The following BCAS3 variants were observed in gnomAD, a reference collection of about 807,000 sequenced individuals.
The protein encoded by BCAS3 is BCAS4/BCAS3 fusion.
A neutral mutation model predicts 116.1 loss-of-function variants in BCAS3; 53 were observed. The observed-to-expected ratio is 0.46, with a 90% CI of 0.37 to 0.57. BCAS3 has a LOEUF of 0.57. Ranked by LOEUF, BCAS3 falls within the 20% of genes least tolerant of loss-of-function variation. The pLI is 0.00. For missense variants in BCAS3, 917 were observed against 1,165.4 expected (o/e 0.79, Z 3.10); for synonymous variants, 391 against 408.2 (o/e 0.96, Z 0.51).
At chr17:60,752,895 G>T (rs2144295271) in intron 6 of BCAS3, among the ~76,000 whole-genome samples, 1 of 152,140 alleles carries the variant, frequency 6.6e-6, no homozygotes, top group South Asian at 2.1e-4. Flanking sequence ...CCCAGGCTGG[G>T]ATGCAGTGGT....
chr17:60,929,681 T>C, intron 13 of BCAS3, among the ~76,000 whole-genome samples: 1 of 149,788 alleles, frequency 6.7e-6, no homozygotes, highest in African/African-American at 2.5e-5. Flanking sequence ...AACTCGTCAT[T>C]TAGCATTAGG....
At chr17:61,133,935 T>A (rs921601017) in intron 22 of BCAS3, among the ~76,000 whole-genome samples, 2 of 148,874 alleles carry the variant, frequency 1.3e-5, no homozygotes, top group Non-Finnish European at 3.0e-5. Context: ...TTTAACAAAG[T>A]ATTTTGCAAA....
intron 23 of BCAS3, among the ~76,000 whole-genome samples, chr17:61,375,246 G>GTGTGTGTGCGCGCGCGCGCGCACA (rs1555861732): frequency 1.1e-4 from 16 of 150,666 alleles, no homozygotes; most frequent in African/African-American, 3.5e-4. Flanking sequence ...GTGTGTGTGT[G>GTGTGTGTGCGCGCGCGCGCGCACA]TGTGTGTGTA....
At chr17:61,358,997 T>C (rs1442848049) in intron 22 of BCAS3, among the ~76,000 whole-genome samples, 2 of 152,112 alleles carry the variant, frequency 1.3e-5, no homozygotes, top group African/African-American at 2.4e-5. Context: ...CTTCTCCTAC[T>C]CTCCTGTGCC....
At chr17:60,825,833 C>T (rs2050366342) in intron 7 of BCAS3, among the ~76,000 whole-genome samples, 1 of 149,598 alleles carries the variant, frequency 6.7e-6, no homozygotes, top group South Asian at 2.1e-4. Context: ...GGCCCCACTT[C>T]TTAATACTAT....
At chr17:60,747,494 G>A (rs2042106911) in intron 6 of BCAS3, among the ~76,000 whole-genome samples, 1 of 152,158 alleles carries the variant, frequency 6.6e-6, no homozygotes, top group African/African-American at 2.4e-5. Flanking sequence ...TTCTGCTGTG[G>A]TTTTGATTTA....
Position 61,065,895 on chromosome 17 carries a change from A to T in BCAS3, c.2030-9025A>T, listed in dbSNP as rs1057127056. 6.6e-6 allele frequency among the ~76,000 whole-genome samples: 1 copy of T among 152,202 alleles called. No individual in the cohort carries two copies. The highest frequency in any genetic ancestry group is 1.5e-5 in the Non-Finnish European group (1 of 68,026). On this transcript the variant is annotated intron_variant, in intron 19 of 23. Transcript: ENST00000407086. This position sits in a 1 kb window ranked among gnomAD's most constrained non-coding sequence, Gnocchi z 4.8. The stretch of plus-strand genomic sequence containing the variant: ...AATTTATAATTAAACTTACAAATGC[A>T]TTTAATCTTCATTTATAGATCAGTG...
At chr17:60,977,118 C>G (rs1206659858) in intron 14 of BCAS3, among the ~76,000 whole-genome samples, 1 of 152,044 alleles carries the variant, frequency 6.6e-6, no homozygotes, top group Non-Finnish European at 1.5e-5. Flanking sequence ...CTGCCCCCCA[C>G]CTCCCGGACA....
intron 7 of BCAS3, chr17:60,810,719 T>C (rs2061797281): frequency 3.0e-6 from 2 of 663,424 alleles, no homozygotes; most frequent in African/African-American, 3.6e-5. Context: ...ATCCATGGGC[T>C]CTGCAAGGTC....
At position 61,380,470 on chromosome 17, in the gene BCAS3, G is replaced by A. The variant is rs761445734; in HGVS notation, c.2594-11507G>A. The A allele has an allele frequency of 6.4e-7, 1 of 1,573,294 alleles. No individual in the cohort carries two copies. The highest frequency in any genetic ancestry group is 8.6e-7 in the Non-Finnish European group (1 of 1,158,708). Reference sequence around the variant, plus strand: ...CTGCTCTCTTAAAGGTCCAGTTTGTGATCCGCTTTAAAGGAATATTTTATT... The same window carrying A: ...CTGCTCTCTTAAAGGTCCAGTTTGTAATCCGCTTTAAAGGAATATTTTATT... On this transcript the variant is annotated intron_variant, in intron 23 of 23. Coordinates refer to ENST00000407086, the MANE Select transcript of BCAS3 (RefSeq NM_017679.5). The surrounding 1 kb of genome is among the most constrained non-coding windows in gnomAD (Gnocchi z 4.2).
At chr17:61,146,917 TA>T (rs998270970) in intron 22 of BCAS3, among the ~76,000 whole-genome samples, 3 of 152,164 alleles carry the variant, frequency 2.0e-5, no homozygotes, top group Admixed American at 6.5e-5. Context: ...TTTTTTAATT[TA>T]AAAAAAATTT....
rs964134502 is a variant in BCAS3 at position 61,012,204 on chromosome 17, A to G, written c.1487-3547A>G. Among the ~76,000 whole-genome samples, 1 of 152,018 alleles carries G rather than the reference A, an allele frequency of 6.6e-6. No homozygotes were observed. Among genetic ancestry groups the G allele is most frequent in the Non-Finnish European group, 1.5e-5 (1 of 67,962 alleles). ...GTAACATTACATTATGAACTCTTTG[A>G]AAGTCCCTTGGACTTACTCCTTCAG... On this transcript the variant is annotated intron_variant, in intron 15 of 23. Coordinates refer to ENST00000407086, the MANE Select transcript of BCAS3 (RefSeq NM_017679.5). This position sits in a 1 kb window ranked among gnomAD's most constrained non-coding sequence, Gnocchi z 4.5.
intron 7 of BCAS3, among the ~76,000 whole-genome samples, chr17:60,814,063 A>G (rs909150928): frequency 2.0e-5 from 3 of 152,182 alleles, no homozygotes; most frequent in African/African-American, 7.2e-5. Flanking sequence ...AATTTTGAGA[A>G]AAGTGACATT....
At chr17:61,232,219 A>AG (rs1423289781) in intron 22 of BCAS3, among the ~76,000 whole-genome samples, 1 of 151,440 alleles carries the variant, frequency 6.6e-6, no homozygotes, top group Non-Finnish European at 1.5e-5. Flanking sequence ...AAAAAAAAAA[A>AG]AAGAAAGAGA....
Position 61,215,088 on chromosome 17 carries a change from T to C in BCAS3, c.2425+130524T>C, listed in dbSNP as rs1412556968. ...GATTAATTTCACATATTATCTATTA[T>C]TATAGTTTTTCCTAATCTACCCCTT... On this transcript the variant is annotated intron_variant, in intron 22 of 23. Coordinates refer to ENST00000407086, the MANE Select transcript of BCAS3 (RefSeq NM_017679.5). The surrounding 1 kb of genome is among the most constrained non-coding windows in gnomAD (Gnocchi z 4.8). Among the ~76,000 whole-genome samples, 1 of 152,232 alleles carries C rather than the reference T, an allele frequency of 6.6e-6. No homozygotes were observed. The highest frequency in any genetic ancestry group is 1.5e-5 in the Non-Finnish European group (1 of 68,042).
intron 2 of BCAS3, among the ~76,000 whole-genome samples, chr17:60,680,736 C>T (rs2032958923): frequency 6.6e-6 from 1 of 151,862 alleles, no homozygotes; most frequent in South Asian, 2.1e-4. Flanking sequence ...CCTCCTCTGT[C>T]TCCCAGATTC....
At chr17:61,373,861 G>A (rs375821761) in intron 23 of BCAS3, among the ~76,000 whole-genome samples, 1 of 129,482 alleles carries the variant, frequency 7.7e-6, no homozygotes, top group Non-Finnish European at 1.6e-5. Flanking sequence ...ACAGTGGTGC[G>A]ATCTCGGCTC....
rs1041085278 is a variant in BCAS3, at chr17:60,752,978, A to G, written c.403+5699A>G. ...TCCCACCACAGCCTCCTGAATACCT[A>G]GGACTACAGGCACACGTCAGCATGC... On this transcript the variant is annotated intron_variant, in intron 6 of 23. Transcript: ENST00000407086. Among the ~76,000 whole-genome samples the G allele has an allele frequency of 3.9e-5, 6 of 152,030 alleles. No individual in the cohort carries two copies. In the East Asian group the frequency reaches 5.8e-4, roughly 15 times the overall value.
chr17:61,242,276 C>CAAA (rs372656421), intron 22 of BCAS3, among the ~76,000 whole-genome samples: 6 of 130,942 alleles, frequency 4.6e-5, no homozygotes, highest in Admixed American at 1.5e-4. Context: ...AACTCTGTCT[C>CAAA]AAAAAAAAAA....
Sources: gnomAD v4.1 joint callset for allele counts (sites outside exome capture counted in the v4.1 genomes callset) on GRCh38, gnomAD v4.1.1 for gene constraint, Gnocchi (gnomAD v3.1) non-coding constraint, MANE v1.5 for transcripts, NCBI Gene and HGNC (gene_info 2026-07-23, HGNC 2026-07-21) for gene names.